LRRC7: variants seen among roughly 807,000 people sequenced by gnomAD.
The protein encoded by LRRC7 is leucine-rich repeat-containing protein 7.
A neutral mutation model predicts 175.7 loss-of-function variants in LRRC7; 23 were observed. That is an observed-to-expected ratio of 0.13 (90% CI 0.09 to 0.19). LRRC7 has a LOEUF of 0.19. Ranked by LOEUF, LRRC7 falls within the 10% of genes least tolerant of loss-of-function variation. The pLI is 1.00. For synonymous variants in LRRC7, 685 were observed against 680.9 expected (o/e 1.01, Z -0.09); for missense variants, 1,354 against 1,904.7 (o/e 0.71, Z 5.38).
intron 7 of LRRC7, among the ~76,000 whole-genome samples, chr1:69,849,798 A>G (rs978409942): frequency 3.9e-5 from 6 of 152,076 alleles, no homozygotes; most frequent in South Asian, 4.1e-4. Context: ...AGACATACTG[A>G]TAAGTTCTCA....
intron 10 of LRRC7, among the ~76,000 whole-genome samples, chr1:69,987,176 C>T (rs12032893): frequency 0.043 from 6,549 of 152,130 alleles, 166 homozygotes; most frequent in South Asian, 0.1. Context: ...ACCCAGGAGG[C>T]GGTGGTTGCA....
chr1:69,571,422 C>A (rs1645734892), intron 1 of LRRC7, among the ~76,000 whole-genome samples: 1 of 152,164 alleles, frequency 6.6e-6, no homozygotes, highest in African/African-American at 2.4e-5. Flanking sequence ...TGTTTTTGTG[C>A]ATCTGCATTT....
rs201378848 is a variant in LRRC7, at chr1:69,623,433, A to AG, written c.2+54794dup. 5.8e-4 allele frequency among the ~76,000 whole-genome samples: 87 copies of AG among 149,964 alleles called. 1 individual carries two copies. In the East Asian group the frequency reaches 0.016, roughly 28 times the overall value. On this transcript the variant is annotated intron_variant, in intron 1 of 26. Transcript: ENST00000651989. ...TCCAAAGATACATAGCTCTGCTATG[A>AG]GGAAAAAAAAAACAAGTCACATAAA... is the stretch of plus-strand genomic sequence containing the variant.
At chr1:69,968,453 A>G (rs1405591039) in intron 8 of LRRC7, among the ~76,000 whole-genome samples, 5 of 152,234 alleles carry the variant, frequency 3.3e-5, no homozygotes, top group Admixed American at 2.0e-4. Context: ...CTCAAAGAAC[A>G]TCTGGGAAAT....
chr1:69,655,775 G>T (rs562351712), intron 1 of LRRC7, among the ~76,000 whole-genome samples: 19 of 152,106 alleles, frequency 1.2e-4, no homozygotes, highest in African/African-American at 4.1e-4. Flanking sequence ...ATAGATACTA[G>T]AATTGTATCA....
chr1:69,938,109 A>G (rs545503264), intron 8 of LRRC7, among the ~76,000 whole-genome samples: 22 of 152,184 alleles, frequency 1.4e-4, no homozygotes, highest in African/African-American at 5.3e-4. Context: ...AAGTTATTCT[A>G]TGTGAAAAAG....
chr1:69,936,645 T>C (rs1648061687), intron 8 of LRRC7, among the ~76,000 whole-genome samples: 1 of 152,114 alleles, frequency 6.6e-6, no homozygotes, highest in Non-Finnish European at 1.5e-5. Context: ...TGGGGTTTGG[T>C]GTACAAATGA....
intron 11 of LRRC7, among the ~76,000 whole-genome samples, chr1:69,996,039 A>G (rs1319860424): frequency 3.1e-3 from 472 of 150,008 alleles, no homozygotes; most frequent in African/African-American, 0.011. Flanking sequence ...AAGTGTTCCT[A>G]TTTCTCCACA....
At chr1:69,946,850 G>A (rs1649371205) in intron 8 of LRRC7, among the ~76,000 whole-genome samples, 1 of 151,966 alleles carries the variant, frequency 6.6e-6, no homozygotes, top group African/African-American at 2.4e-5. Context: ...GGCTGAGATG[G>A]GTGGATCACC....
At chr1:69,616,115 C>T (rs1461766119) in intron 1 of LRRC7, among the ~76,000 whole-genome samples, 1 of 152,014 alleles carries the variant, frequency 6.6e-6, no homozygotes, top group Non-Finnish European at 1.5e-5. Context: ...GTGAAGTATA[C>T]AAGAAAGCAC....
rs1238107262 is a variant in LRRC7 at position 70,140,426 on chromosome 1, T to C, written c.*18539T>C. On this transcript the variant is annotated 3_prime_UTR_variant, in exon 27 of 27. Transcript: ENST00000651989. Reference sequence around the variant, plus strand: ...CCACATAAGGAACATCCTGTTTCTTTAAATCCTCAATGCTTAAATTGCCAT... The same window carrying C: ...CCACATAAGGAACATCCTGTTTCTTCAAATCCTCAATGCTTAAATTGCCAT... The C allele has an allele frequency of 3.3e-5, 5 of 152,174 alleles. No individual in the cohort carries two copies. Among genetic ancestry groups the C allele is most frequent in the Non-Finnish European group, 5.9e-5 (4 of 68,024 alleles). The allele number at this position is 152,174 out of a possible 1,614,324, so 9.4% of individuals were successfully genotyped here.
At chr1:69,944,448 G>C (rs534260448) in intron 8 of LRRC7, among the ~76,000 whole-genome samples, 1 of 151,996 alleles carries the variant, frequency 6.6e-6, no homozygotes, top group Admixed American at 6.6e-5. Flanking sequence ...CCCAGCTATC[G>C]TTAATAATGC....
chr1:69,763,236 TG>T (rs1380353361), intron 3 of LRRC7, among the ~76,000 whole-genome samples: 2 of 152,038 alleles, frequency 1.3e-5, no homozygotes, highest in African/African-American at 4.8e-5. Flanking sequence ...TCAGAATTGA[TG>T]GGTTTCTATT....
intron 23 of LRRC7, among the ~76,000 whole-genome samples, chr1:70,068,078 T>G (rs1300362416): frequency 6.6e-6 from 1 of 152,136 alleles, no homozygotes; most frequent in East Asian, 1.9e-4. Flanking sequence ...TTTTTTCTTT[T>G]CAATCTTCAT....
chr1:69,892,351 C>T (rs1645860818), intron 7 of LRRC7, among the ~76,000 whole-genome samples: 1 of 152,126 alleles, frequency 6.6e-6, no homozygotes, highest in African/African-American at 2.4e-5. Flanking sequence ...AGTGGTAACT[C>T]TTAAAGATTA....
intron 1 of LRRC7, chr1:69,607,872 T>C (rs1257685846): frequency 1.3e-5 from 2 of 152,200 alleles, no homozygotes; most frequent in Non-Finnish European, 2.9e-5. Flanking sequence ...ACATTCCTTA[T>C]CCTAGAAGGT....
intron 4 of LRRC7, among the ~76,000 whole-genome samples, chr1:69,809,946 A>G (rs576501212): frequency 2.0e-5 from 3 of 152,284 alleles, no homozygotes; most frequent in Admixed American, 2.0e-4. Flanking sequence ...AGAAAGAAAT[A>G]AACAGTATTC....
chr1:69,907,855 C>G (rs9725110), intron 7 of LRRC7, among the ~76,000 whole-genome samples: 84,236 of 151,628 alleles, frequency 0.56, 23,462 homozygotes, highest in East Asian at 0.7. Context: ...CCTCCTTGTA[C>G]CTCTGGTAGA....
chr1:70,077,458 T>C (rs1386439018), intron 24 of LRRC7, among the ~76,000 whole-genome samples: 2 of 152,186 alleles, frequency 1.3e-5, no homozygotes, highest in African/African-American at 4.8e-5. Flanking sequence ...AATTATGCTT[T>C]ACCAAAGGCA....
Sources: allele counts gnomAD v4.1 joint callset (sites outside exome capture counted in the v4.1 genomes callset), GRCh38; gene constraint gnomAD v4.1.1; transcripts MANE v1.5; gene names NCBI Gene and HGNC (gene_info 2026-07-23, HGNC 2026-07-21).